CRACR2A: variants seen among roughly 807,000 people sequenced by gnomAD.
CRACR2A encodes calcium release activated channel regulator 2A.
CRACR2A carries 79 observed loss-of-function variants against 90.5 expected under a neutral mutation model. The ratio of observed to expected loss-of-function variants is 0.87; its 90% CI spans 0.73 to 1.05. The LOEUF is 1.05. CRACR2A is among the 50% of genes least tolerant of loss of function. CRACR2A has a pLI of 0.00. For synonymous variants in CRACR2A, 338 were observed against 356.7 expected (o/e 0.95, Z 0.59); for missense variants, 823 against 897.2 (o/e 0.92, Z 1.06).
Position 3,659,643 on chromosome 12 carries a change from G to T in CRACR2A, c.683C>A (p.Ala228Asp), listed in dbSNP as rs1944990116. ...LECALKRKIA[A>D]YDEEIQHLYE... The stretch of plus-strand genomic sequence containing the variant: ...GAGATGCTGGATTTCTTCATCATAA[G>T]CAGCAATTTTCCTACAGAGGTGGCA... The change falls in exon 8 of 20, where the codon GCT becomes GAT. Residue 228 changes from alanine (A) to aspartate (D), a missense_variant. By Grantham distance (126) the Ala-to-Asp change is moderately radical. Coordinates refer to ENST00000440314, the MANE Select transcript of CRACR2A (RefSeq NM_001144958.2). 4 of 1,614,110 alleles carry T rather than the reference G, an allele frequency of 2.5e-6. No homozygotes were observed. The highest frequency in any genetic ancestry group is 3.4e-6 in the Non-Finnish European group (4 of 1,180,008).
intron 7 of CRACR2A, among the ~76,000 whole-genome samples, chr12:3,661,117 C>T (rs1945026357): frequency 2.0e-5 from 3 of 152,210 alleles, no homozygotes; most frequent in Admixed American, 2.0e-4. Context: ...ACCAGACCTT[C>T]TCTGCTGTCC....
chr12:3,641,833 A>G lies in CRACR2A; in HGVS notation c.1170T>C (p.Asn390=). ...CAGCTGTGTTTGCCTTGGCTGCCTT[A>G]TTTTTCTGTAGAAACACAAAATGTC... is the stretch of plus-strand genomic sequence containing the variant. ...RDERDICFQK[N]KAAKANTAAS... Residue 390 remains asparagine, a synonymous_variant, in exon 13 of 20, where the codon AAT becomes AAC. Coordinates refer to ENST00000440314, the MANE Select transcript of CRACR2A (RefSeq NM_001144958.2). 6.4e-7 allele frequency: 1 copy of G among 1,551,570 alleles called. No individual in the cohort carries two copies. The highest frequency in any genetic ancestry group is 1.2e-5 in the South Asian group (1 of 84,064).
rs1944412126 is a variant in CRACR2A at position 3,633,620 on chromosome 12, G to A, written c.1719C>T (p.Gly573=). The change falls in exon 15 of 20, where the codon GGC becomes GGT. Residue 573 remains glycine (G), a synonymous_variant. Coordinates refer to ENST00000440314, the MANE Select transcript of CRACR2A (RefSeq NM_001144958.2). The surrounding 1 kb of genome is among the most constrained non-coding windows in gnomAD (Gnocchi z 4.5). ...AGAACTCACCCACAGTGGCCGCCAT[G>A]CCTGGGGAGAACCGGTCCTCACAGA... ...RRFCEDRFSP[G]MAATVGIDYR... The A allele has an allele frequency of 6.4e-7, 1 of 1,551,592 alleles. No individual in the cohort carries two copies. The highest frequency in any genetic ancestry group is 1.4e-5 in the African/African-American group (1 of 73,040).
intron 3 of CRACR2A, among the ~76,000 whole-genome samples, chr12:3,712,960 G>A (rs2137775512): frequency 6.6e-6 from 1 of 151,904 alleles, no homozygotes; most frequent in East Asian, 1.9e-4. Flanking sequence ...AAAAGAGCTG[G>A]GCAAAGTGAC....
At chr12:3,719,470 C>T (rs1406187013) in intron 2 of CRACR2A, among the ~76,000 whole-genome samples, 4 of 152,176 alleles carry the variant, frequency 2.6e-5, no homozygotes, top group African/African-American at 9.7e-5. Flanking sequence ...CTGCATAGTT[C>T]CCCTCCTTTC....
At chr12:3,741,189 C>T (rs960147504) in intron 1 of CRACR2A, among the ~76,000 whole-genome samples, 10 of 152,150 alleles carry the variant, frequency 6.6e-5, no homozygotes, top group African/African-American at 1.9e-4. Flanking sequence ...GGTCTCCATG[C>T]TATTTTGGTT....
chr12:3,712,516 A>T (rs1456788011), intron 3 of CRACR2A, among the ~76,000 whole-genome samples: 2 of 152,084 alleles, frequency 1.3e-5, no homozygotes, highest in Admixed American at 1.3e-4. Context: ...ACACACTTTT[A>T]AATGACCAGA....
intron 7 of CRACR2A, among the ~76,000 whole-genome samples, chr12:3,660,829 AACACACACACACACACACACACACACAC>A (rs58293233): frequency 1.8e-4 from 21 of 119,712 alleles, no homozygotes; most frequent in Admixed American, 9.3e-4. Flanking sequence ...CTGAACATGC[AACACACACACACACACACACACACACAC>A]ACACACACAC....
At chr12:3,666,330 CGTGTGT>C (rs750488682) in intron 7 of CRACR2A, among the ~76,000 whole-genome samples, 7 of 139,582 alleles carry the variant, frequency 5.0e-5, no homozygotes, top group African/African-American at 1.9e-4. Flanking sequence ...AGGACGGCTG[CGTGTGT>C]GTGTGTGTGT....
chr12:3,644,657 G>A lies in CRACR2A; in HGVS notation c.1119-17C>T. 6.4e-7 allele frequency: 1 copy of A among 1,551,372 alleles called. No homozygotes were observed. The highest frequency in any genetic ancestry group is 8.7e-7 in the Non-Finnish European group (1 of 1,146,754). ...TTCCTTTCCCTGTGGATGGTAAAGG[G>A]GAATCTATTCAAACATGGAGTTTGC... On this transcript the variant is annotated splice_polypyrimidine_tract_variant and intron_variant, in intron 11 of 19. Coordinates refer to ENST00000440314, the MANE Select transcript of CRACR2A (RefSeq NM_001144958.2).
chr12:3,739,820 G>A (rs1183450570), intron 1 of CRACR2A, among the ~76,000 whole-genome samples: 8 of 151,884 alleles, frequency 5.3e-5, no homozygotes, highest in African/African-American at 1.9e-4. Flanking sequence ...TGTAATCCCA[G>A]CTACTCAGGA....
In CRACR2A at chr12:3,723,620, C is replaced by A. The variant is rs575776026; in HGVS notation, c.-118+9322G>T. Among the ~76,000 whole-genome samples the A allele has an allele frequency of 3.3e-5, 5 of 152,190 alleles. No homozygotes were observed. The South Asian group carries it at 1.0e-3, about 32-fold the overall frequency. ...ACTTAGCAACTCCAGCCATGGTCCTCCATCCTGCTCCCTAACCTCAGCCCC... is the reference window on the plus strand; with the variant it reads ...ACTTAGCAACTCCAGCCATGGTCCTACATCCTGCTCCCTAACCTCAGCCCC... On this transcript the variant is annotated intron_variant, in intron 2 of 19. Transcript: ENST00000440314.
chr12:3,640,581 C>T (rs1202320641), intron 13 of CRACR2A: 41 of 1,287,258 alleles, frequency 3.2e-5, no homozygotes, highest in Non-Finnish European at 3.9e-5. Flanking sequence ...AGATTTGGCT[C>T]CCAAATTGTA....
chr12:3,657,829 C>G (rs1297378825), intron 8 of CRACR2A, among the ~76,000 whole-genome samples: 1 of 152,122 alleles, frequency 6.6e-6, no homozygotes, highest in African/African-American at 2.4e-5. Context: ...ACAGGGCGTT[C>G]AGGGGGTGTA....
intron 12 of CRACR2A, 108 bp from the exon 13 acceptor site, chr12:3,641,946 G>T: frequency 1.1e-6 from 1 of 947,278 alleles, no homozygotes; most frequent in Non-Finnish European, 1.6e-6. Flanking sequence ...ACAAAACTCT[G>T]AAAGGAGTAG....
At chr12:3,749,807 G>C (rs1946679443) in intron 1 of CRACR2A, among the ~76,000 whole-genome samples, 1 of 67,416 alleles carries the variant, frequency 1.5e-5, no homozygotes, top group Non-Finnish European at 4.3e-5. Context: ...GTGTGTGTGT[G>C]TGTGTGTGTG....
chr12:3,629,445 G>T (rs1944338594), intron 15 of CRACR2A, among the ~76,000 whole-genome samples: 1 of 152,238 alleles, frequency 6.6e-6, no homozygotes, highest in Non-Finnish European at 1.5e-5. Flanking sequence ...TGTGCTCTGG[G>T]AGACAGAAGG....
At chr12:3,620,527 C>T (rs1030210359) in intron 17 of CRACR2A, among the ~76,000 whole-genome samples, 1 of 152,254 alleles carries the variant, frequency 6.6e-6, no homozygotes, top group Non-Finnish European at 1.5e-5. Flanking sequence ...TCTGTGCATT[C>T]GTTTTTACTG....
chr12:3,713,100 T>C (rs1946029532), intron 3 of CRACR2A, 137 bp downstream of exon 3: 1 of 211,366 alleles, frequency 4.7e-6, no homozygotes, highest in Non-Finnish European at 8.2e-6. Context: ...TTCTCAAATC[T>C]AAGGGCCCAC....
Sources: gnomAD v4.1 joint callset for allele counts (sites outside exome capture counted in the v4.1 genomes callset) on GRCh38, gnomAD v4.1.1 for gene constraint, Gnocchi (gnomAD v3.1) non-coding constraint, MANE v1.5 for transcripts, NCBI Gene and HGNC (gene_info 2026-07-23, HGNC 2026-07-21) for gene names.